C13orf46: variants seen among roughly 807,000 people sequenced by gnomAD.
The protein encoded by C13orf46 is chromosome 13 open reading frame 46, also known as uncharacterized protein C13orf46.
At chr13:113,961,121 TTTGCAGG>T (rs2052583237) in intron 6 of C13orf46, among the ~76,000 whole-genome samples, 1 of 152,218 alleles carries the variant, frequency 6.6e-6, no homozygotes, top group Non-Finnish European at 1.5e-5. Context: ...TTTGACATCT[TTTGCAGG>T]TTTCCACAGA....
chr13:113,965,755 GTGATGGTGA>G (rs1354560407), intron 5 of C13orf46, among the ~76,000 whole-genome samples: 7 of 32,484 alleles, frequency 2.2e-4, no homozygotes, highest in Non-Finnish European at 3.8e-4. Flanking sequence ...GGTGATGATG[GTGATGGTGA>G]TGATGGTGAT....
chr13:113,955,313 G>GAGT lies in C13orf46; in HGVS notation c.*1457_*1459dup, dbSNP rs879208054. The GAGT allele has an allele frequency of 0.28, 45,270 of 164,254 alleles. 7,961 individuals carry two copies. Among genetic ancestry groups the GAGT allele is most frequent in the East Asian group, 0.42 (1,964 of 4,694 alleles). The allele number at this position is 164,254 out of a possible 1,614,324, so 10.2% of individuals were successfully genotyped here. ...GAGAGGAGTAGTATCTGGCAGAGAG[G>GAGT]AGTAGTATCTGGTGGAGAGGAGGAG... On this transcript the variant is annotated 3_prime_UTR_variant, in exon 7 of 7. Coordinates refer to ENST00000636427, the MANE Select transcript of C13orf46 (RefSeq NM_001365455.2).
At chr13:113,939,017 G>A in the C13orf46 span, among the ~76,000 whole-genome samples, 3 of 151,704 alleles carry the variant, frequency 2.0e-5, no homozygotes, top group Admixed American at 1.3e-4. Context: ...CTCCTCCCAC[G>A]ATCCCTTCCA....
chr13:113,969,202 T>C lies in C13orf46; in HGVS notation c.243-442A>G, dbSNP rs960319124. ...TACTCGCACCAACCTCGTGACCCCT[T>C]CTGTGGTCTGCTATGGTGTGTGGCC... On this transcript the variant is annotated intron_variant, in intron 2 of 6. Coordinates refer to ENST00000636427, the MANE Select transcript of C13orf46 (RefSeq NM_001365455.2). Among the ~76,000 whole-genome samples, 619 of 152,332 alleles carry C rather than the reference T, an allele frequency of 4.1e-3. 1 individual carries two copies. Among genetic ancestry groups the C allele is most frequent in the Non-Finnish European group, 6.7e-3 (454 of 68,024 alleles).
chr13:113,962,522 C>T (rs1251837908), intron 6 of C13orf46, among the ~76,000 whole-genome samples: 1 of 152,200 alleles, frequency 6.6e-6, no homozygotes, highest in Non-Finnish European at 1.5e-5. Context: ...CCTTCCTGGG[C>T]GGGAACCTCC....
At chr13:113,936,147 C>G in the C13orf46 span, among the ~76,000 whole-genome samples, 31,296 of 152,002 alleles carry the variant, frequency 0.21, 4,219 homozygotes, top group African/African-American at 0.38. Context: ...TCAATTGAGT[C>G]ATCAGCCCAG....
At chr13:113,946,006 T>C in the C13orf46 span, among the ~76,000 whole-genome samples, 388 of 121,778 alleles carry the variant, frequency 3.2e-3, 2 homozygotes, top group African/African-American at 8.8e-3. Context: ...CACCGCACTG[T>C]GGGCTGGAGT....
chr13:113,938,428 G>A, the C13orf46 span, among the ~76,000 whole-genome samples: 19 of 152,340 alleles, frequency 1.2e-4, no homozygotes, highest in Middle Eastern at 3.4e-3. Context: ...AGAGACGGCA[G>A]CAGCCTTGGC....
the C13orf46 span, among the ~76,000 whole-genome samples, chr13:113,947,747 C>T: frequency 6.6e-6 from 1 of 152,226 alleles, no homozygotes; most frequent in African/African-American, 2.4e-5. Flanking sequence ...CACAGCCAAG[C>T]AGATGCGCAG....
At chr13:113,967,431 G>T (rs894118753) in intron 4 of C13orf46, 43 bp from the exon 5 acceptor site, 1 of 152,446 alleles carries the variant, frequency 6.6e-6, no homozygotes, top group South Asian at 2.1e-4. Flanking sequence ...AGGCTTGGGT[G>T]AGCTGGAGAG....
chr13:113,935,125 C>T, the C13orf46 span, among the ~76,000 whole-genome samples: 2 of 152,236 alleles, frequency 1.3e-5, no homozygotes, highest in Non-Finnish European at 2.9e-5. Context: ...CCAGCACAGC[C>T]CGAGGGGGGG....
chr13:113,955,133 G>A lies in C13orf46; in HGVS notation c.*1640C>T. On this transcript the variant is annotated 3_prime_UTR_variant, in exon 7 of 7. Coordinates refer to ENST00000636427, the MANE Select transcript of C13orf46 (RefSeq NM_001365455.2). ...AGGAGCAGCAGCTGGTGGAGACGAG[G>A]AGCATCCGGTGGAGATGAGGAGCAT... 1 of 236,002 alleles carries A rather than the reference G, an allele frequency of 4.2e-6. No homozygotes were observed. The highest frequency in any genetic ancestry group is 8.2e-6 in the Non-Finnish European group (1 of 122,222). 14.6% of individuals were successfully genotyped at this position (236,002 alleles called of 1,614,324 possible).
chr13:113,962,316 G>C (rs932289240), intron 6 of C13orf46, among the ~76,000 whole-genome samples: 37 of 152,306 alleles, frequency 2.4e-4, no homozygotes, highest in African/African-American at 7.2e-4. Context: ...TGAGGCAGGA[G>C]AATGGCGTGA....
At chr13:113,929,293 G>A in the C13orf46 span, among the ~76,000 whole-genome samples, 1 of 152,266 alleles carries the variant, frequency 6.6e-6, no homozygotes, top group Non-Finnish European at 1.5e-5. Context: ...GGCTGGCCCA[G>A]GCCCTGCAGA....
chr13:113,953,773 C>T lies in C13orf46; in HGVS notation c.*3000G>A, dbSNP rs1451432554. 6.6e-6 allele frequency: 1 copy of T among 152,274 alleles called. No homozygotes were observed. The highest frequency in any genetic ancestry group is 1.9e-4 in the East Asian group (1 of 5,182). The allele number at this position is 152,274 out of a possible 1,614,324, so 9.4% of individuals were successfully genotyped here. ...GAGCCACCCGGCAGAGCTGCCGCCTCCTGCCCCACCAAGGGGACAAACCAA... is the reference window on the plus strand; with the variant it reads ...GAGCCACCCGGCAGAGCTGCCGCCTTCTGCCCCACCAAGGGGACAAACCAA... On this transcript the variant is annotated 3_prime_UTR_variant, in exon 7 of 7. Coordinates refer to ENST00000636427, the MANE Select transcript of C13orf46 (RefSeq NM_001365455.2).
chr13:113,930,872 C>T, the C13orf46 span, among the ~76,000 whole-genome samples: 1 of 152,216 alleles, frequency 6.6e-6, no homozygotes, highest in Non-Finnish European at 1.5e-5. Context: ...GCCGCTCCTT[C>T]TCCAGGCCGA....
At chr13:113,962,742 C>T (rs1187050016) in intron 6 of C13orf46, among the ~76,000 whole-genome samples, 2 of 152,164 alleles carry the variant, frequency 1.3e-5, no homozygotes, top group Admixed American at 1.3e-4. Context: ...CAGGAGATTT[C>T]GACCCAGGAT....
intron 6 of C13orf46, among the ~76,000 whole-genome samples, chr13:113,963,249 CCT>C (rs1347854943): frequency 2.1e-5 from 3 of 144,914 alleles, no homozygotes; most frequent in African/African-American, 2.5e-5. Context: ...CAGCCTCGCC[CCT>C]GTCCTCAGCC....
the C13orf46 span, among the ~76,000 whole-genome samples, chr13:113,933,024 C>A: frequency 2.7e-4 from 41 of 152,098 alleles, no homozygotes; most frequent in East Asian, 6.8e-3. Context: ...GCCACCATGC[C>A]CAGAAAATTT....
Sources: gnomAD v4.1 joint callset for allele counts (sites outside exome capture counted in the v4.1 genomes callset) on GRCh38, gnomAD v4.1.1 for gene constraint, MANE v1.5 for transcripts, NCBI Gene and HGNC (gene_info 2026-07-23, HGNC 2026-07-21) for gene names.